Variants in BLTP3A observed in about 807,000 individuals in gnomAD.
BLTP3A encodes the protein ICBP90 binding protein 1.
At chr6:34,850,474 T>C in the BLTP3A span, among the ~76,000 whole-genome samples, 2 of 152,196 alleles carry the variant, frequency 1.3e-5, no homozygotes, top group African/African-American at 4.8e-5. Flanking sequence ...ACCTCCTCCT[T>C]AAGGCCAATA....
chr6:34,793,219 G>T, the BLTP3A span, among the ~76,000 whole-genome samples: 1 of 152,216 alleles, frequency 6.6e-6, no homozygotes, highest in Non-Finnish European at 1.5e-5. Flanking sequence ...TGTTGCGATT[G>T]CAGGTTGTCA....
chr6:34,859,013 C>G, the BLTP3A span: 1 of 1,614,198 alleles, frequency 6.2e-7, no homozygotes, highest in Non-Finnish European at 8.5e-7. Context: ...CTTATGCATC[C>G]TGCACCCGGT....
chr6:34,874,759 A>T, the BLTP3A span: 1 of 152,236 alleles, frequency 6.6e-6, no homozygotes, highest in Admixed American at 6.5e-5. Flanking sequence ...TGTGGGCATC[A>T]TCAGGAAGGG....
At chr6:34,796,544 T>TA in the BLTP3A span, among the ~76,000 whole-genome samples, 4 of 152,220 alleles carry the variant, frequency 2.6e-5, no homozygotes, top group African/African-American at 9.6e-5. Context: ...AGCAATGATT[T>TA]AAAAAATATT....
the BLTP3A span, among the ~76,000 whole-genome samples, chr6:34,817,947 G>A: frequency 6.6e-6 from 1 of 151,426 alleles, no homozygotes; most frequent in African/African-American, 2.4e-5. Flanking sequence ...TCCGCCTCCC[G>A]GGTTCACGCC....
At chr6:34,860,915 G>A in the BLTP3A span, among the ~76,000 whole-genome samples, 1 of 152,152 alleles carries the variant, frequency 6.6e-6, no homozygotes, top group East Asian at 1.9e-4. Flanking sequence ...AACTGCCCAA[G>A]CCCGTGGCCT....
At chr6:34,833,388 C>T in the BLTP3A span, among the ~76,000 whole-genome samples, 1 of 149,798 alleles carries the variant, frequency 6.7e-6, no homozygotes. Flanking sequence ...ACTACTTATG[C>T]AGAGTATGCT....
the BLTP3A span, among the ~76,000 whole-genome samples, chr6:34,822,268 T>C: frequency 6.6e-6 from 1 of 151,824 alleles, no homozygotes; most frequent in Non-Finnish European, 1.5e-5. Flanking sequence ...TTTTTTTTTT[T>C]TTGAGATGGA....
At chr6:34,852,047 T>C in the BLTP3A span, among the ~76,000 whole-genome samples, 1 of 151,902 alleles carries the variant, frequency 6.6e-6, no homozygotes. Flanking sequence ...CCAGGGCAGG[T>C]CCAGAGATGT....
chr6:34,858,185 T>C, the BLTP3A span: 1 of 1,614,178 alleles, frequency 6.2e-7, no homozygotes. Flanking sequence ...GCCCTTGTCT[T>C]CTCTGCGTCA....
chr6:34,794,951 AT>A, the BLTP3A span, among the ~76,000 whole-genome samples: 8 of 148,158 alleles, frequency 5.4e-5, no homozygotes, highest in South Asian at 6.5e-4. Context: ...CGCCCAGCTA[AT>A]TTTTTTTTTG....
chr6:34,820,422 T>G, the BLTP3A span, among the ~76,000 whole-genome samples: 1 of 152,118 alleles, frequency 6.6e-6, no homozygotes, highest in Admixed American at 6.6e-5. Flanking sequence ...CCAGTGTCAG[T>G]TACTGTTGTC....
At chr6:34,859,220 A>C in the BLTP3A span, 1 of 1,614,156 alleles carries the variant, frequency 6.2e-7, no homozygotes, top group Non-Finnish European at 8.5e-7. Flanking sequence ...GGAGAACTGC[A>C]GGACTCAGGT....
At chr6:34,802,226 A>G in the BLTP3A span, among the ~76,000 whole-genome samples, 3 of 151,832 alleles carry the variant, frequency 2.0e-5, no homozygotes, top group Non-Finnish European at 4.4e-5. Flanking sequence ...TATTTTTGAG[A>G]TGGAGTTTTG....
At chr6:34,876,481 G>A in the BLTP3A span, 28 of 152,234 alleles carry the variant, frequency 1.8e-4, no homozygotes, top group African/African-American at 6.3e-4. Flanking sequence ...AGTAATATGG[G>A]AACTTTTTAT....
At chr6:34,854,809 T>C in the BLTP3A span, among the ~76,000 whole-genome samples, 9 of 152,188 alleles carry the variant, frequency 5.9e-5, no homozygotes, top group African/African-American at 2.2e-4. Context: ...TTTTCTCTTA[T>C]ATTTTTGAGC....
the BLTP3A span, among the ~76,000 whole-genome samples, chr6:34,808,442 GA>G: frequency 1.3e-5 from 2 of 151,316 alleles, no homozygotes; most frequent in African/African-American, 2.4e-5. Flanking sequence ...TTTGTTTCTG[GA>G]AAAGATTAAT....
chr6:34,830,300 C>G, the BLTP3A span, among the ~76,000 whole-genome samples: 1 of 151,804 alleles, frequency 6.6e-6, no homozygotes, highest in Non-Finnish European at 1.5e-5. Flanking sequence ...CCAAAACCCA[C>G]AGAGCCGGCT....
the BLTP3A span, chr6:34,871,583 G>C: frequency 9.9e-6 from 16 of 1,612,378 alleles, no homozygotes; most frequent in Non-Finnish European, 1.2e-5. Context: ...CTTTCCTGCA[G>C]GATGATATCC....
Sources: allele counts gnomAD v4.1 joint callset (sites outside exome capture counted in the v4.1 genomes callset), GRCh38; gene constraint gnomAD v4.1.1; transcripts MANE v1.5; gene names NCBI Gene and HGNC (gene_info 2026-07-23, HGNC 2026-07-21).